Variants in ARHGAP31 observed in about 807,000 individuals in gnomAD.
ARHGAP31 encodes rho GTPase-activating protein 31.
Under a neutral mutation model 113.9 loss-of-function variants are expected in ARHGAP31, and 34 were observed. The ratio of observed to expected loss-of-function variants is 0.30; its 90% CI spans 0.23 to 0.40. The LOEUF (loss-of-function observed/expected upper bound fraction) is 0.40, where lower values mean the gene tolerates loss of function less well. Ranked by LOEUF, ARHGAP31 falls within the 10% of genes least tolerant of loss-of-function variation. The probability of loss-of-function intolerance (pLI) is 1.00; values close to 1 mark genes in which losing one functional copy is unlikely to be tolerated. For missense variants in ARHGAP31, 1,548 were observed against 1,767.1 expected (o/e 0.88, Z 2.22); for synonymous variants, 650 against 684.8 (o/e 0.95, Z 0.79).
intron 8 of ARHGAP31, among the ~76,000 whole-genome samples, chr3:119,394,051 G>A (rs2029034): frequency 0.41 from 62,420 of 152,008 alleles, 13,166 homozygotes; most frequent in East Asian, 0.52. Context: ...CTGGCCATTT[G>A]TTTAGTAGAA....
At chr3:119,298,293 G>A (rs191713038) in intron 1 of ARHGAP31, among the ~76,000 whole-genome samples, 1 of 152,260 alleles carries the variant, frequency 6.6e-6, no homozygotes, top group African/African-American at 2.4e-5. Context: ...TGCTGCTGCT[G>A]AAAATAGTAT....
At chr3:119,403,398 C>T (rs2080630908) in intron 10 of ARHGAP31, among the ~76,000 whole-genome samples, 1 of 152,088 alleles carries the variant, frequency 6.6e-6, no homozygotes, top group Admixed American at 6.6e-5. Context: ...TAAAAAAATC[C>T]ATGCTTGTAA....
Position 119,383,059 on chromosome 3 carries a change from T to C in ARHGAP31, c.540-25T>C, listed in dbSNP as rs375920880. 35 of 1,613,666 alleles carry C rather than the reference T, an allele frequency of 2.2e-5. No homozygotes were observed. The African/African-American group carries it at 4.5e-4, about 21-fold the overall frequency. On this transcript the variant is annotated intron_variant, in intron 5 of 11. Coordinates refer to ENST00000264245, the MANE Select transcript of ARHGAP31 (RefSeq NM_020754.4). ...CAGGTTGTAAGGCAAACTCACTAAC[T>C]GAATATGTTTCTTCCACACGGTAGG...
rs2080780159 is a variant in ARHGAP31, at chr3:119,416,445, G to A, written c.*181G>A. The A allele has an allele frequency of 3.6e-6, 3 of 833,750 alleles. No individual in the cohort carries two copies. In the African/African-American group the frequency reaches 5.1e-5, roughly 14 times the overall value. The allele number at this position is 833,750 out of a possible 1,614,324, so 51.6% of individuals were successfully genotyped here. On this transcript the variant is annotated 3_prime_UTR_variant, in exon 12 of 12. Transcript: ENST00000264245. ...TCCATTTGCTAGAAGAGTGGTCAAG[G>A]GAAAAACGAGAGATGAAATTTAGTT...
intron 6 of ARHGAP31, among the ~76,000 whole-genome samples, chr3:119,384,475 T>C (rs2080431404): frequency 6.6e-6 from 1 of 152,192 alleles, no homozygotes; most frequent in Non-Finnish European, 1.5e-5. Flanking sequence ...TTATTTCTCA[T>C]GGTTCCAGAG....
chr3:119,323,708 G>A (rs115617875), intron 1 of ARHGAP31, among the ~76,000 whole-genome samples: 1,578 of 152,280 alleles, frequency 0.01, 23 homozygotes, highest in African/African-American at 0.035. Context: ...TGAGCCCTGG[G>A]GCTCACCGGC....
chr3:119,411,473 A>T (rs1047313120), intron 11 of ARHGAP31, among the ~76,000 whole-genome samples: 2 of 152,202 alleles, frequency 1.3e-5, no homozygotes, highest in African/African-American at 4.8e-5. Flanking sequence ...AAGGCACCTC[A>T]TAGGTTTCTG....
intron 1 of ARHGAP31, among the ~76,000 whole-genome samples, chr3:119,359,177 C>T (rs2107619935): frequency 6.6e-6 from 1 of 151,934 alleles, no homozygotes; most frequent in East Asian, 1.9e-4. Context: ...ACCACCATGC[C>T]CGGCTAGTTT....
Position 119,414,554 on chromosome 3 carries a change from G to C in ARHGAP31, c.2625G>C (p.Glu875Asp). The C allele has an allele frequency of 6.2e-7, 1 of 1,614,218 alleles. No individual in the cohort carries two copies. Among genetic ancestry groups the C allele is most frequent in the Non-Finnish European group, 8.5e-7 (1 of 1,180,028 alleles). ...AGGTTGAGATCGTCTCACAAGAAGA[G>C]GAGGATGTAACCCATTCAGTACAGG... ...TREVEIVSQE[E>D]EDVTHSVQEP... Residue 875 changes from glutamate (E) to aspartate (D), a missense_variant, in exon 12 of 12, where the codon GAG becomes GAC. Glu to Asp is a conservative substitution (Grantham distance 45). Coordinates refer to ENST00000264245, the MANE Select transcript of ARHGAP31 (RefSeq NM_020754.4).
In ARHGAP31 at chr3:119,406,931, T is replaced by TC. The variant is rs1393325824; in HGVS notation, c.1646-2563dup. On this transcript the variant is annotated intron_variant, in intron 10 of 11. Coordinates refer to ENST00000264245, the MANE Select transcript of ARHGAP31 (RefSeq NM_020754.4). ...CAACAAAATACTCTTTATTGACTTT[T>TC]CCTCCGTCCCTCTCACTTTCTCATT... 2.6e-5 allele frequency among the ~76,000 whole-genome samples: 4 copies of TC among 152,300 alleles called. No individual in the cohort carries two copies. The South Asian group carries it at 6.2e-4, about 24-fold the overall frequency.
At chr3:119,321,786 C>A (rs1247303817) in intron 1 of ARHGAP31, among the ~76,000 whole-genome samples, 2 of 152,152 alleles carry the variant, frequency 1.3e-5, no homozygotes, top group Non-Finnish European at 2.9e-5. Flanking sequence ...GTAGCTGGAA[C>A]TATAGGCCCA....
intron 1 of ARHGAP31, among the ~76,000 whole-genome samples, chr3:119,302,799 GT>G (rs2079596157): frequency 6.6e-6 from 1 of 152,174 alleles, no homozygotes; most frequent in Non-Finnish European, 1.5e-5. Flanking sequence ...GGCATTAACA[GT>G]TTTGCCACAA....
chr3:119,324,609 T>A (rs1475932067), intron 1 of ARHGAP31, among the ~76,000 whole-genome samples: 2 of 152,168 alleles, frequency 1.3e-5, no homozygotes, highest in Non-Finnish European at 2.9e-5. Flanking sequence ...CCCAAGGAGA[T>A]TTGTAGCTAT....
At chr3:119,342,181 A>G (rs1464227433) in intron 1 of ARHGAP31, among the ~76,000 whole-genome samples, 1 of 152,122 alleles carries the variant, frequency 6.6e-6, no homozygotes, top group Non-Finnish European at 1.5e-5. Flanking sequence ...AATGTGTGTT[A>G]TGGTTGTGTG....
At position 119,390,658 on chromosome 3, in the gene ARHGAP31, A is replaced by C. The variant is rs911533284; in HGVS notation, c.683-127A>C. ...CTCAGCCCCAGGCCCCACCATGCCC[A>C]AGAGAAGCCAGGGTGGCACTCAGCC... On this transcript the variant is annotated intron_variant, in intron 6 of 11. Coordinates refer to ENST00000264245, the MANE Select transcript of ARHGAP31 (RefSeq NM_020754.4). 137 of 1,064,794 alleles carry C rather than the reference A, an allele frequency of 1.3e-4. 3 individuals carry two copies. The Admixed American group carries it at 1.7e-3, about 14-fold the overall frequency. 66.0% of individuals were successfully genotyped at this position (1,064,794 alleles called of 1,614,324 possible). A position where few individuals can be genotyped will look rare whatever the true frequency, so the allele number is the denominator to read the frequency against.
At chr3:119,316,772 C>T (rs1241503678) in intron 1 of ARHGAP31, among the ~76,000 whole-genome samples, 4 of 152,238 alleles carry the variant, frequency 2.6e-5, no homozygotes, top group African/African-American at 9.6e-5. Context: ...AGCCAAAGAA[C>T]TCTGCTTCTT....
At chr3:119,315,123 C>A (rs1213240257) in intron 1 of ARHGAP31, among the ~76,000 whole-genome samples, 1 of 152,204 alleles carries the variant, frequency 6.6e-6, no homozygotes. Context: ...AAAACATAAG[C>A]AAGAGCTTTC....
intron 8 of ARHGAP31, 151 bp from the exon 9 acceptor site, chr3:119,399,048 T>G: frequency 3.0e-6 from 2 of 670,262 alleles, no homozygotes; most frequent in African/African-American, 1.8e-5. Flanking sequence ...ACATCTAGGG[T>G]GGAGTAGAGG....
At chr3:119,332,826 C>T (rs927814433) in intron 1 of ARHGAP31, among the ~76,000 whole-genome samples, 2 of 152,136 alleles carry the variant, frequency 1.3e-5, no homozygotes, top group Non-Finnish European at 2.9e-5. Flanking sequence ...GACTTCCTGA[C>T]AGTGCTAAGC....
Sources: allele counts gnomAD v4.1 joint callset (sites outside exome capture counted in the v4.1 genomes callset), GRCh38; gene constraint gnomAD v4.1.1; transcripts MANE v1.5; gene names NCBI Gene and HGNC (gene_info 2026-07-23, HGNC 2026-07-21).